The following TPO variants were observed in gnomAD, a reference collection of about 807,000 sequenced individuals.
The protein encoded by TPO is thyroid microsomal antigen.
TPO carries 78 observed loss-of-function variants against 96.9 expected under a neutral mutation model. The ratio of observed to expected loss-of-function variants is 0.81; its 90% CI spans 0.67 to 0.97. The LOEUF (loss-of-function observed/expected upper bound fraction) is 0.97, where lower values mean the gene tolerates loss of function less well. TPO is among the 50% of genes least tolerant of loss of function. The probability of loss-of-function intolerance (pLI) is 0.00; values close to 1 mark genes in which losing one functional copy is unlikely to be tolerated. For synonymous variants in TPO, 547 were observed against 538.0 expected (o/e 1.02, Z -0.23); for missense variants, 1,252 against 1,274.8 (o/e 0.98, Z 0.27).
intron 2 of TPO, among the ~76,000 whole-genome samples, chr2:1,417,983 C>T (rs1034705599): frequency 1.3e-5 from 2 of 150,964 alleles, no homozygotes; most frequent in Admixed American, 1.3e-4. Flanking sequence ...CTCACATCTG[C>T]AATCCCAACA....
At chr2:1,502,665 C>T (rs1573453837) in intron 13 of TPO, among the ~76,000 whole-genome samples, 1 of 152,194 alleles carries the variant, frequency 6.6e-6, no homozygotes, top group Admixed American at 6.5e-5. Context: ...GCTGGGATTA[C>T]AGGCATGAGC....
At chr2:1,540,891 T>C (rs2125355266) in intron 16 of TPO, 168 bp downstream of exon 16, 1 of 1,546,750 alleles carries the variant, frequency 6.5e-7, no homozygotes, top group Non-Finnish European at 8.7e-7. Flanking sequence ...CTAATGACAG[T>C]GAGCCAGAAT....
At position 1,484,823 on chromosome 2, in the gene TPO, T is replaced by G. The variant is rs17091745; in HGVS notation, c.1566T>G (p.Ala522=). 1.2e-6 allele frequency: 2 copies of G among 1,613,874 alleles called. No individual in the cohort carries two copies. Among genetic ancestry groups the G allele is most frequent in the African/African-American group, 2.7e-5 (2 of 74,918 alleles). Residue 522 remains alanine (A), a synonymous_variant, in exon 9 of 17, where the codon GCT becomes GCG. Coordinates refer to ENST00000329066, the MANE Select transcript of TPO (RefSeq NM_001206744.2). ...PDLPGLWLHQ[A]FFSPWTLLRG... Reference sequence around the variant, plus strand: ...TGCCCGGGCTGTGGCTGCACCAGGCTTTCTTCAGCCCATGGACATTACTCC... The same window carrying G: ...TGCCCGGGCTGTGGCTGCACCAGGCGTTCTTCAGCCCATGGACATTACTCC...
intron 1 of TPO, among the ~76,000 whole-genome samples, chr2:1,401,161 C>T (rs1662166126): frequency 1.3e-5 from 2 of 152,230 alleles, no homozygotes; most frequent in Non-Finnish European, 2.9e-5. Flanking sequence ...GAGCTGTAGG[C>T]AGCGTGCACA....
intron 1 of TPO, among the ~76,000 whole-genome samples, chr2:1,399,807 C>G (rs569496191): frequency 6.6e-6 from 1 of 152,310 alleles, no homozygotes; most frequent in South Asian, 2.1e-4. Context: ...TCACTCACAC[C>G]TCTCTAGGAG....
chr2:1,468,837 G>A lies in TPO; in HGVS notation c.820-8249G>A, dbSNP rs144979648. Among the ~76,000 whole-genome samples the A allele has an allele frequency of 2.7e-4, 41 of 152,292 alleles. No individual in the cohort carries two copies. The East Asian group carries it at 7.3e-3, about 27-fold the overall frequency. ...TAGATTTCTCTTCTTCCTCAGGAAT[G>A]CTAATTATTCCTAGGTTTGGTCATT... On this transcript the variant is annotated intron_variant, in intron 7 of 16. Transcript: ENST00000329066.
rs146115600 is a variant in TPO, at chr2:1,475,446, C to T, written c.820-1640C>T. Among the ~76,000 whole-genome samples, 1,330 of 150,418 alleles carry T rather than the reference C, an allele frequency of 8.8e-3. 22 individuals carry two copies. Among genetic ancestry groups the T allele is most frequent in the African/African-American group, 0.03 (1,241 of 40,926 alleles). ...TTTTTCTTTTTTCTTTTTTTTGAGA[C>T]GGAATCTCGCTCTGTCACCCAGGCA... On this transcript the variant is annotated intron_variant, in intron 7 of 16. Transcript: ENST00000329066.
chr2:1,519,290 G>A (rs1230874632), intron 15 of TPO, among the ~76,000 whole-genome samples: 1 of 152,212 alleles, frequency 6.6e-6, no homozygotes, highest in African/African-American at 2.4e-5. Flanking sequence ...TGGAGCGAGA[G>A]CCTGTTACTT....
chr2:1,396,445 G>A (rs749833559), intron 1 of TPO, among the ~76,000 whole-genome samples: 1 of 152,186 alleles, frequency 6.6e-6, no homozygotes, highest in African/African-American at 2.4e-5. Flanking sequence ...AGCTGAGAGG[G>A]TCTCCGTGCA....
chr2:1,442,933 T>A (rs1196232178), intron 5 of TPO, among the ~76,000 whole-genome samples: 1 of 152,252 alleles, frequency 6.6e-6, no homozygotes, highest in Non-Finnish European at 1.5e-5. Context: ...TGATTTTTCT[T>A]TGAAAAATTG....
chr2:1,408,687 A>G (rs868212018), upstream of TPO, among the ~76,000 whole-genome samples: 28 of 152,228 alleles, frequency 1.8e-4, no homozygotes, highest in Admixed American at 3.9e-4. Context: ...AAGTACATTC[A>G]TTAATTAATT....
intron 5 of TPO, among the ~76,000 whole-genome samples, chr2:1,445,181 TC>T (rs1359002284): frequency 1.9e-5 from 2 of 105,644 alleles, no homozygotes; most frequent in African/African-American, 7.2e-5. Flanking sequence ...GCAGGCTCCT[TC>T]CTGTTTGTAT....
chr2:1,403,517 A>C (rs1662202179), intron 1 of TPO, among the ~76,000 whole-genome samples: 1 of 152,196 alleles, frequency 6.6e-6, no homozygotes, highest in Non-Finnish European at 1.5e-5. Context: ...GTGTCTCAGA[A>C]TTGTTGCAGG....
intron 1 of TPO, among the ~76,000 whole-genome samples, chr2:1,385,701 G>A (rs1391740864): frequency 1.3e-5 from 2 of 150,936 alleles, no homozygotes; most frequent in Non-Finnish European, 3.0e-5. Flanking sequence ...GGTTTTTTGT[G>A]TCTCTATCTA....
chr2:1,537,239 TTTCG>T (rs1558440645), intron 15 of TPO, among the ~76,000 whole-genome samples: 3 of 52,706 alleles, frequency 5.7e-5, no homozygotes, highest in East Asian at 8.1e-4. Context: ...CCCCCAACTG[TTTCG>T]AACCACCTCA....
chr2:1,496,225 G>T (rs28991289), intron 12 of TPO, 28 bp downstream of exon 12: 1 of 1,605,270 alleles, frequency 6.2e-7, no homozygotes, highest in Non-Finnish European at 8.5e-7. Context: ...CTCACACCAC[G>T]TTACAGCACG....
intron 8 of TPO, chr2:1,478,357 G>T: frequency 1.0e-6 from 1 of 985,474 alleles, no homozygotes; most frequent in Non-Finnish European, 1.2e-6. Context: ...ACCAGGCCCT[G>T]TGGCGGCCTG....
chr2:1,537,403 TGA>T, intron 15 of TPO, among the ~76,000 whole-genome samples: 1 of 134,946 alleles, frequency 7.4e-6, no homozygotes. Context: ...CCCCCCACTG[TGA>T]GCAACCTCCC....
chr2:1,415,679 T>C (rs575538691), intron 2 of TPO, among the ~76,000 whole-genome samples: 86 of 152,216 alleles, frequency 5.6e-4, no homozygotes, highest in Non-Finnish European at 9.4e-4. Flanking sequence ...GGCAGGTCCC[T>C]GGGTCTCTGG....
Sources: gnomAD v4.1 joint callset for allele counts (sites outside exome capture counted in the v4.1 genomes callset) on GRCh38, gnomAD v4.1.1 for gene constraint, MANE v1.5 for transcripts, NCBI Gene and HGNC (gene_info 2026-07-23, HGNC 2026-07-21) for gene names.